Variants in CEP112 observed in about 807,000 individuals in gnomAD.
The protein encoded by CEP112 is centrosomal protein 112, also known as centrosomal protein of 112 kDa.
In CEP112, 127 loss-of-function variants were observed where a neutral mutation model predicts 153.0. The ratio of observed to expected loss-of-function variants is 0.83; its 90% CI spans 0.72 to 0.96. The LOEUF is 0.96. CEP112 is among the 40% of genes least tolerant of loss of function. CEP112 has a pLI of 0.00. For synonymous variants in CEP112, 358 were observed against 374.4 expected (o/e 0.96, Z 0.51); for missense variants, 1,089 against 1,101.2 (o/e 0.99, Z 0.16).
intron 8 of CEP112, among the ~76,000 whole-genome samples, chr17:66,090,186 A>C (rs1046545256): frequency 6.6e-6 from 1 of 152,114 alleles, no homozygotes; most frequent in Non-Finnish European, 1.5e-5. Flanking sequence ...GCTCAAGTGA[A>C]ATCTTGATGC....
intron 18 of CEP112, among the ~76,000 whole-genome samples, chr17:65,956,408 A>G (rs1429556827): frequency 7.1e-6 from 1 of 141,662 alleles, no homozygotes; most frequent in African/African-American, 2.7e-5. Context: ...ACATACATAC[A>G]TACACACACA....
At chr17:65,977,618 C>T (rs1037864501) in intron 17 of CEP112, among the ~76,000 whole-genome samples, 1 of 152,106 alleles carries the variant, frequency 6.6e-6, no homozygotes, top group Non-Finnish European at 1.5e-5. Context: ...GAGCTGTGGG[C>T]AGGGCAGATT....
chr17:65,946,086 T>G (rs2061640646), intron 18 of CEP112, among the ~76,000 whole-genome samples: 2 of 152,212 alleles, frequency 1.3e-5, no homozygotes, highest in Admixed American at 1.3e-4. Context: ...ATATGAGTCT[T>G]TTGTTCAACA....
intron 23 of CEP112, among the ~76,000 whole-genome samples, chr17:65,711,784 A>C (rs2049197426): frequency 6.6e-6 from 1 of 152,206 alleles, no homozygotes; most frequent in Admixed American, 6.5e-5. Flanking sequence ...CAAGAAGTGC[A>C]AGAGGGTTGG....
chr17:66,184,460 CA>C (rs1041002362), intron 1 of CEP112, among the ~76,000 whole-genome samples: 1 of 151,716 alleles, frequency 6.6e-6, no homozygotes, highest in Admixed American at 6.6e-5. Context: ...CGATAATCAG[CA>C]AAAAAAATTA....
chr17:66,061,942 A>G (rs1022377819), intron 11 of CEP112, among the ~76,000 whole-genome samples: 5 of 152,170 alleles, frequency 3.3e-5, no homozygotes, highest in African/African-American at 1.2e-4. Context: ...AAGTAACTGC[A>G]TCATGGGGTC....
chr17:66,101,074 A>T (rs1236945805), intron 6 of CEP112, among the ~76,000 whole-genome samples: 1 of 152,186 alleles, frequency 6.6e-6, no homozygotes, highest in Non-Finnish European at 1.5e-5. Flanking sequence ...TATGCCGAAT[A>T]TCTTTCAGAG....
At chr17:65,751,275 T>C (rs1294911927) in intron 21 of CEP112, among the ~76,000 whole-genome samples, 2 of 152,362 alleles carry the variant, frequency 1.3e-5, no homozygotes, top group East Asian at 3.9e-4. Flanking sequence ...TTAAGTTTTA[T>C]GTCCTGGAAA....
intron 8 of CEP112, among the ~76,000 whole-genome samples, chr17:66,092,064 G>C (rs2068154753): frequency 7.0e-6 from 1 of 142,944 alleles, no homozygotes; most frequent in East Asian, 2.1e-4. Flanking sequence ...TTTTTGAGAT[G>C]GGAGTCTTGC....
At chr17:66,078,501 C>A (rs1336187919) in intron 8 of CEP112, among the ~76,000 whole-genome samples, 1 of 152,118 alleles carries the variant, frequency 6.6e-6, no homozygotes, top group Admixed American at 6.5e-5. Context: ...CATGATCCAC[C>A]TGCCTCAGCC....
chr17:65,889,879 G>A (rs2059403462), intron 20 of CEP112, among the ~76,000 whole-genome samples: 2 of 151,998 alleles, frequency 1.3e-5, no homozygotes, highest in Admixed American at 1.3e-4. Flanking sequence ...ACTCTAACTA[G>A]TCACCCAGGC....
chr17:65,919,408 C>G (rs2060621297), intron 19 of CEP112, among the ~76,000 whole-genome samples: 1 of 152,154 alleles, frequency 6.6e-6, no homozygotes, highest in African/African-American at 2.4e-5. Flanking sequence ...TAAATCCCCT[C>G]CTGATGTGAA....
intron 17 of CEP112, among the ~76,000 whole-genome samples, chr17:65,970,715 ATG>A (rs1344624294): frequency 1.3e-5 from 2 of 151,926 alleles, no homozygotes; most frequent in Non-Finnish European, 2.9e-5. Context: ...TACACATGAC[ATG>A]TGCCTTTATC....
intron 17 of CEP112, among the ~76,000 whole-genome samples, chr17:65,979,691 TAAAAC>T (rs1469162445): frequency 6.6e-6 from 1 of 152,152 alleles, no homozygotes; most frequent in African/African-American, 2.4e-5. Context: ...ATTTTCAACT[TAAAAC>T]ATAACGATTC....
At chr17:65,736,981 G>C (rs1361935113) in intron 23 of CEP112, among the ~76,000 whole-genome samples, 1 of 152,148 alleles carries the variant, frequency 6.6e-6, no homozygotes, top group Non-Finnish European at 1.5e-5. Context: ...GCGACCCGCA[G>C]ACATGTTCCA....
intron 18 of CEP112, among the ~76,000 whole-genome samples, chr17:65,956,637 G>T (rs1234158127): frequency 6.6e-6 from 1 of 151,898 alleles, no homozygotes; most frequent in East Asian, 1.9e-4. Context: ...GACTTTGGGT[G>T]GGGGAGGTGA....
intron 21 of CEP112, among the ~76,000 whole-genome samples, chr17:65,844,372 C>T (rs2057640586): frequency 6.6e-6 from 1 of 152,188 alleles, no homozygotes; most frequent in African/African-American, 2.4e-5. Flanking sequence ...CCAATCTCCA[C>T]ATTAAACAAT....
intron 1 of CEP112, among the ~76,000 whole-genome samples, chr17:66,189,518 A>C (rs962599373): frequency 1.4e-5 from 2 of 145,952 alleles, no homozygotes; most frequent in African/African-American, 5.0e-5. Context: ...AAAAAAAAAA[A>C]GTATTTTGAA....
chr17:65,716,061 T>C (rs2049490408), intron 23 of CEP112, among the ~76,000 whole-genome samples: 1 of 152,188 alleles, frequency 6.6e-6, no homozygotes, highest in Non-Finnish European at 1.5e-5. Context: ...TGAGTACTTA[T>C]ACCAAACCGA....
Sources: gnomAD v4.1 joint callset for allele counts (sites outside exome capture counted in the v4.1 genomes callset) on GRCh38, gnomAD v4.1.1 for gene constraint, MANE v1.5 for transcripts, NCBI Gene and HGNC (gene_info 2026-07-23, HGNC 2026-07-21) for gene names.